CDON: variants seen among roughly 807,000 people sequenced by gnomAD.
CDON encodes the protein cell adhesion molecule-related/down-regulated by oncogenes.
Under a neutral mutation model 120.9 loss-of-function variants are expected in CDON, and 73 were observed. That is an observed-to-expected ratio of 0.60 (90% CI 0.50 to 0.73). The LOEUF is 0.73. CDON is among the 30% of genes least tolerant of loss of function. The probability of loss-of-function intolerance (pLI) is 0.00; values close to 1 mark genes in which losing one functional copy is unlikely to be tolerated. For synonymous variants in CDON, 566 were observed against 573.5 expected (o/e 0.99, Z 0.19); for missense variants, 1,470 against 1,587.3 (o/e 0.93, Z 1.26).
In CDON at chr11:126,062,664, C is replaced by T; in HGVS notation, c.-147G>A. 6.5e-6 allele frequency: 1 copy of T among 154,166 alleles called. No individual in the cohort carries two copies. Among genetic ancestry groups the T allele is most frequent in the Non-Finnish European group, 1.4e-5 (1 of 69,964 alleles). The allele number at this position is 154,166 out of a possible 1,614,324, so 9.5% of individuals were successfully genotyped here. ...CCCCCAGGTCATCCCCCCGCGCGCG[C>T]GCGGCGGCGGCTACGGTGGCGGCGG... On this transcript the variant is annotated 5_prime_UTR_variant, in exon 1 of 20. Coordinates refer to ENST00000531738, the MANE Select transcript of CDON (RefSeq NM_001378964.1).
At chr11:125,974,151 C>T (rs1387213267) in intron 18 of CDON, among the ~76,000 whole-genome samples, 1 of 152,086 alleles carries the variant, frequency 6.6e-6, no homozygotes, top group African/African-American at 2.4e-5. Flanking sequence ...CCGCCATAGC[C>T]TCCCAAAGTG....
intron 11 of CDON, among the ~76,000 whole-genome samples, chr11:125,999,487 T>A (rs988966216): frequency 6.6e-6 from 1 of 152,230 alleles, no homozygotes; most frequent in African/African-American, 2.4e-5. Context: ...AAAACAGATG[T>A]GGAAATCTGT....
chr11:126,015,455 T>C lies in CDON; in HGVS notation c.984A>G (p.Thr328=), dbSNP rs1332906972. The change falls in exon 7 of 20, where the codon ACA becomes ACG. Residue 328 remains threonine, a synonymous_variant. Transcript: ENST00000531738. The part of the protein sequence containing the change: ...LQDQIVSLGA[T]VHFTCDVHGN... ...CATGAACGTCGCAGGTAAAGTGTAC[T>C]GTGGCACCCAGAGACACTATCTGAT... 17 of 1,613,784 alleles carry C rather than the reference T, an allele frequency of 1.1e-5. No homozygotes were observed. The highest frequency in any genetic ancestry group is 1.4e-5 in the Non-Finnish European group (17 of 1,179,784).
intron 1 of CDON, among the ~76,000 whole-genome samples, chr11:126,043,506 C>T (rs1182931994): frequency 1.3e-5 from 2 of 152,174 alleles, no homozygotes; most frequent in Non-Finnish European, 2.9e-5. Context: ...AGAACCTGGA[C>T]AACTTGCAGT....
intron 17 of CDON, 38 bp downstream of exon 17, chr11:125,981,011 G>A (rs540968124): frequency 6.2e-7 from 1 of 1,610,408 alleles, no homozygotes; most frequent in Non-Finnish European, 8.5e-7. Context: ...GGCACCCTGA[G>A]GGACAGAGGG....
At position 126,034,419 on chromosome 11, in the gene CDON, C is replaced by T. The variant is rs1029512500; in HGVS notation, c.-61-10882G>A. On this transcript the variant is annotated intron_variant, in intron 1 of 19. Coordinates refer to ENST00000531738, the MANE Select transcript of CDON (RefSeq NM_001378964.1). The surrounding 1 kb of genome is among the most constrained non-coding windows in gnomAD (Gnocchi z 4.5). Reference sequence around the variant, plus strand: ...AAGGTCACTGAGATCAAGGGTCACACGCAGAAAAAGGCAACAGTGAGGGGC... The same window carrying T: ...AAGGTCACTGAGATCAAGGGTCACATGCAGAAAAAGGCAACAGTGAGGGGC... Among the ~76,000 whole-genome samples, 5 of 152,016 alleles carry T rather than the reference C, an allele frequency of 3.3e-5. No individual in the cohort carries two copies. The highest frequency in any genetic ancestry group is 4.1e-4 in the South Asian group (2 of 4,832).
intron 3 of CDON, among the ~76,000 whole-genome samples, chr11:126,020,520 G>A (rs1201336182): frequency 1.3e-5 from 2 of 152,098 alleles, no homozygotes; most frequent in African/African-American, 4.8e-5. Flanking sequence ...GTGTCTTACA[G>A]CTGTCCATGG....
At chr11:125,995,748 A>G (rs1308809435) in intron 12 of CDON, among the ~76,000 whole-genome samples, 2 of 152,370 alleles carry the variant, frequency 1.3e-5, no homozygotes, top group East Asian at 1.9e-4. Flanking sequence ...TTTTCAATCT[A>G]TGGAATGTTT....
chr11:125,988,165 G>A (rs1379196470), intron 15 of CDON, among the ~76,000 whole-genome samples: 1 of 152,094 alleles, frequency 6.6e-6, no homozygotes, highest in Non-Finnish European at 1.5e-5. Flanking sequence ...TGGTTTAGGG[G>A]CTGTGTGGGG....
chr11:126,047,184 T>C (rs570479200), intron 1 of CDON, among the ~76,000 whole-genome samples: 2 of 152,234 alleles, frequency 1.3e-5, no homozygotes, highest in Admixed American at 1.3e-4. Flanking sequence ...AAAATCAGTG[T>C]TATTTACCTG....
intron 1 of CDON, among the ~76,000 whole-genome samples, chr11:126,030,539 A>T (rs1947916417): frequency 6.6e-6 from 1 of 152,234 alleles, no homozygotes; most frequent in South Asian, 2.1e-4. Context: ...TTTAAGTTAG[A>T]TTCCGTTTTT....
chr11:125,961,526 T>C, intron 19 of CDON, 198 bp downstream of exon 19: 1 of 654,546 alleles, frequency 1.5e-6, no homozygotes, highest in Admixed American at 2.9e-5. Flanking sequence ...ATGAAGGACA[T>C]GAGTAATAAC....
chr11:125,995,312 A>G lies in CDON; in HGVS notation c.2363-260T>C, dbSNP rs73628402. Among the ~76,000 whole-genome samples, 856 of 152,294 alleles carry G rather than the reference A, an allele frequency of 5.6e-3. 12 individuals carry two copies. The highest frequency in any genetic ancestry group is 0.02 in the African/African-American group (815 of 41,552). On this transcript the variant is annotated intron_variant, in intron 12 of 19. Transcript: ENST00000531738. ...GAGTCACCAAGAAAGAGCACTGCAA[A>G]AGATTAATGACATCTCAGGGAAGAA...
chr11:125,962,890 G>T (rs1349363947), intron 18 of CDON, among the ~76,000 whole-genome samples: 1 of 151,978 alleles, frequency 6.6e-6, no homozygotes, highest in African/African-American at 2.4e-5. Context: ...TATTTATAAT[G>T]GCTGCTTAAA....
chr11:125,962,954 G>T (rs1411449538), intron 18 of CDON, among the ~76,000 whole-genome samples: 1 of 151,936 alleles, frequency 6.6e-6, no homozygotes, highest in African/African-American at 2.4e-5. Context: ...TGTTTCTATT[G>T]ACTTTTTTTC....
intron 10 of CDON, 83 bp downstream of exon 10, chr11:126,003,819 C>CA (rs915495426): frequency 5.9e-5 from 76 of 1,278,152 alleles, no homozygotes; most frequent in African/African-American, 1.3e-4. Flanking sequence ...GACTCCATCT[C>CA]AAAAAAAATA....
At chr11:126,033,744 G>A (rs578053307) in intron 1 of CDON, among the ~76,000 whole-genome samples, 1 of 152,194 alleles carries the variant, frequency 6.6e-6, no homozygotes, top group East Asian at 1.9e-4. Flanking sequence ...AGTAACAGCT[G>A]GCATACATCT....
At chr11:125,992,051 A>AT (rs531306562) in intron 14 of CDON, among the ~76,000 whole-genome samples, 36 of 152,292 alleles carry the variant, frequency 2.4e-4, no homozygotes, top group African/African-American at 8.4e-4. Flanking sequence ...GATGATGATG[A>AT]GAGAGAGAAA....
intron 18 of CDON, among the ~76,000 whole-genome samples, chr11:125,966,119 A>C (rs1363114048): frequency 6.6e-6 from 1 of 151,014 alleles, no homozygotes; most frequent in Non-Finnish European, 1.5e-5. Context: ...CCTGGGCAAG[A>C]AGCGCGAAAT....
Sources: allele counts gnomAD v4.1 joint callset (sites outside exome capture counted in the v4.1 genomes callset), GRCh38; gene constraint gnomAD v4.1.1; non-coding constraint Gnocchi (gnomAD v3.1); transcripts MANE v1.5; gene names NCBI Gene and HGNC (gene_info 2026-07-23, HGNC 2026-07-21).